The following C16orf78 variants were observed in gnomAD, a reference collection of about 807,000 sequenced individuals.
The protein encoded by C16orf78 is chromosome 16 open reading frame 78.
In C16orf78, 19 loss-of-function variants were observed where a neutral mutation model predicts 27.3. The observed-to-expected ratio is 0.70, with a 90% CI of 0.49 to 1.02. C16orf78 has a LOEUF of 1.02. C16orf78 is among the 50% of genes least tolerant of loss of function. The pLI is 0.00. For missense variants in C16orf78, 339 were observed against 337.0 expected (o/e 1.01, Z -0.05); for synonymous variants, 130 against 116.1 (o/e 1.12, Z -0.77).
intron 4 of C16orf78, among the ~76,000 whole-genome samples, chr16:49,397,815 G>C (rs1965492661): frequency 6.6e-6 from 1 of 152,200 alleles, no homozygotes. Context: ...GCCCAGGCTG[G>C]AGTGCAGTGA....
At chr16:49,381,162 G>T (rs368077044) in intron 3 of C16orf78, among the ~76,000 whole-genome samples, 11 of 152,148 alleles carry the variant, frequency 7.2e-5, no homozygotes, top group African/African-American at 2.7e-4. Flanking sequence ...TTTTCCAATT[G>T]TGTGAAGAAA....
rs370605977 is a variant in C16orf78, at chr16:49,377,775, G to A, written c.195G>A (p.Lys65=). ...KVVTVLKRNK[K]KEEKKGKGLM... Reference sequence around the variant, plus strand: ...TGACAGTCCTTAAACGAAATAAGAAGAAGGAAGAGAAGAAAGGCAAAGGCC... The same window carrying A: ...TGACAGTCCTTAAACGAAATAAGAAAAAGGAAGAGAAGAAAGGCAAAGGCC... Residue 65 remains lysine, a synonymous_variant, in exon 2 of 5, where the codon AAG becomes AAA. Coordinates refer to ENST00000299191, the MANE Select transcript of C16orf78 (RefSeq NM_144602.4). 2.8e-5 allele frequency: 44 copies of A among 1,599,580 alleles called. No homozygotes were observed. The highest frequency in any genetic ancestry group is 2.6e-6 in the Non-Finnish European group (3 of 1,173,004).
chr16:49,374,431 G>C (rs960750648), intron 1 of C16orf78, among the ~76,000 whole-genome samples: 1 of 152,188 alleles, frequency 6.6e-6, no homozygotes. Flanking sequence ...GAGACTGAGA[G>C]ATTTACATCT....
chr16:49,392,064 T>C (rs913652127), intron 3 of C16orf78, among the ~76,000 whole-genome samples: 2 of 152,230 alleles, frequency 1.3e-5, no homozygotes, highest in Non-Finnish European at 2.9e-5. Context: ...TGTCTCTGCA[T>C]TTATGTAATT....
intron 1 of C16orf78, 116 bp downstream of exon 1, chr16:49,374,205 G>A: frequency 7.7e-7 from 1 of 1,296,198 alleles, no homozygotes; most frequent in Non-Finnish European, 1.1e-6. Context: ...TGAAGTGCTG[G>A]GATAAGCTAG....
intron 3 of C16orf78, among the ~76,000 whole-genome samples, chr16:49,389,297 C>T (rs1368475786): frequency 1.3e-5 from 2 of 152,156 alleles, no homozygotes; most frequent in Admixed American, 1.3e-4. Flanking sequence ...GTGGCACATG[C>T]CTGTAGTCCC....
chr16:49,378,536 G>A lies in C16orf78; in HGVS notation c.337G>A (p.Gly113Arg). ...AAGCCTCTATGGAGTGGAGCAAAAG[G>A]GGAAACACCTCAGCATGGTCCCTGG... is the stretch of plus-strand genomic sequence containing the variant. ...YRSLYGVEQKGKHLSMVPGSY... is the reference protein window; with the variant it reads ...YRSLYGVEQKRKHLSMVPGSY... The change falls in exon 3 of 5, where the codon GGG becomes AGG. Residue 113 changes from glycine to arginine, a missense_variant. Physicochemically the swap from Gly to Arg is moderately radical, Grantham distance 125. Transcript: ENST00000299191. The A allele has an allele frequency of 1.2e-6, 2 of 1,613,372 alleles. No homozygotes were observed. Among genetic ancestry groups the A allele is most frequent in the Non-Finnish European group, 8.5e-7 (1 of 1,179,724 alleles).
At chr16:49,393,411 AAC>A (rs1965437404) in intron 3 of C16orf78, among the ~76,000 whole-genome samples, 2 of 152,266 alleles carry the variant, frequency 1.3e-5, no homozygotes, top group South Asian at 4.1e-4. Context: ...AAAAAAAATT[AAC>A]ATTCAAAAAA....
chr16:49,387,652 T>A (rs952449299), intron 3 of C16orf78, among the ~76,000 whole-genome samples: 2 of 152,206 alleles, frequency 1.3e-5, no homozygotes, highest in Non-Finnish European at 1.5e-5. Flanking sequence ...CTTGTAGAAT[T>A]TGGCTGTGAA....
At chr16:49,378,311 G>GC (rs1190708424) in intron 2 of C16orf78, among the ~76,000 whole-genome samples, 159 bp from the exon 3 acceptor site, 1 of 152,220 alleles carries the variant, frequency 6.6e-6, no homozygotes, top group Non-Finnish European at 1.5e-5. Flanking sequence ...GGCAGACCCT[G>GC]CCCCTCCGAC....
chr16:49,391,259 AAGTCTGAGTAGT>A (rs1965409877), intron 3 of C16orf78, among the ~76,000 whole-genome samples: 1 of 152,214 alleles, frequency 6.6e-6, no homozygotes, highest in Non-Finnish European at 1.5e-5. Flanking sequence ...AATCTTGGCA[AAGTCTGAGTAGT>A]AGACTGGAAA....
At chr16:49,374,326 A>T (rs1378369459) in intron 1 of C16orf78, among the ~76,000 whole-genome samples, 2 of 152,182 alleles carry the variant, frequency 1.3e-5, no homozygotes, top group Non-Finnish European at 2.9e-5. Flanking sequence ...TCTCACAGAG[A>T]CTGAGAGACA....
intron 3 of C16orf78, among the ~76,000 whole-genome samples, chr16:49,395,542 G>A (rs1431935079): frequency 6.6e-6 from 1 of 151,756 alleles, no homozygotes; most frequent in East Asian, 1.9e-4. Context: ...TTCCAATGTG[G>A]CCCAGGGAAG....
At chr16:49,380,595 G>T (rs937647612) in intron 3 of C16orf78, among the ~76,000 whole-genome samples, 1 of 152,176 alleles carries the variant, frequency 6.6e-6, no homozygotes, top group African/African-American at 2.4e-5. Flanking sequence ...TCTACTGAAG[G>T]CTTGGGGTCA....
At chr16:49,376,681 C>A (rs963564784) in intron 1 of C16orf78, among the ~76,000 whole-genome samples, 5 of 152,040 alleles carry the variant, frequency 3.3e-5, no homozygotes, top group African/African-American at 1.2e-4. Flanking sequence ...ACCCACCCCG[C>A]ATAATAACCT....
chr16:49,383,974 A>G (rs1596924058), intron 3 of C16orf78, among the ~76,000 whole-genome samples: 1 of 152,362 alleles, frequency 6.6e-6, no homozygotes, highest in Non-Finnish European at 1.5e-5. Flanking sequence ...ACCGAGCTAC[A>G]AGGAAACAAA....
intron 3 of C16orf78, among the ~76,000 whole-genome samples, chr16:49,390,211 A>G (rs974729574): frequency 2.0e-5 from 3 of 151,954 alleles, no homozygotes; most frequent in Non-Finnish European, 4.4e-5. Flanking sequence ...CCTCAGTGTC[A>G]TTTGCTTAAT....
At chr16:49,382,946 A>G (rs152652) in intron 3 of C16orf78, among the ~76,000 whole-genome samples, 14,617 of 152,232 alleles carry the variant, frequency 0.096, 2,018 homozygotes, top group African/African-American at 0.3. Context: ...CCTAAAAGAA[A>G]CCCATACCAG....
chr16:49,382,396 C>T (rs1464388721), intron 3 of C16orf78, among the ~76,000 whole-genome samples: 1 of 151,096 alleles, frequency 6.6e-6, no homozygotes, highest in African/African-American at 2.4e-5. Context: ...CACATGTACC[C>T]TAAAACTTAA....
Sources: allele counts gnomAD v4.1 joint callset (sites outside exome capture counted in the v4.1 genomes callset), GRCh38; gene constraint gnomAD v4.1.1; transcripts MANE v1.5; gene names NCBI Gene and HGNC (gene_info 2026-07-23, HGNC 2026-07-21).